Variants in VOPP1 observed in about 807,000 individuals in gnomAD.
The protein encoded by VOPP1 is WW domain binding protein VOPP1.
A neutral mutation model predicts 23.5 loss-of-function variants in VOPP1; 8 were observed. The observed-to-expected ratio is 0.34, with a 90% CI of 0.20 to 0.61. The LOEUF (loss-of-function observed/expected upper bound fraction) is 0.61, where lower values mean the gene tolerates loss of function less well. Among genes scored for constraint, VOPP1 ranks in the 20% least tolerant of loss-of-function variants. VOPP1 has a pLI of 0.78. For missense variants in VOPP1, 174 were observed against 238.1 expected, an observed-to-expected ratio of 0.73 and a Z score of 1.77; for synonymous variants, 83 against 97.3, an observed-to-expected ratio of 0.85 and a Z score of 0.86.
chr7:55,476,996 C>A (rs894102796), intron 4 of VOPP1, among the ~76,000 whole-genome samples: 8 of 152,228 alleles, frequency 5.3e-5, no homozygotes, highest in Non-Finnish European at 1.0e-4. Flanking sequence ...CACTAGATAA[C>A]ATATCCCAGG....
rs549869746 is a variant in VOPP1, at chr7:55,556,644, C to G, written c.54+15627G>C. ...ACCTAAAAGCTGTTGGAACCCCCCC[C>G]CAAAACACTTCAAGCTTTGAGAGAA... On this transcript the variant is annotated intron_variant, in intron 1 of 4. Coordinates refer to ENST00000285279, the MANE Select transcript of VOPP1 (RefSeq NM_030796.5). 8.6e-5 allele frequency among the ~76,000 whole-genome samples: 13 copies of G among 151,376 alleles called. No individual in the cohort carries two copies. The East Asian group carries it at 1.2e-3, about 14-fold the overall frequency.
At chr7:55,443,408 G>C (rs1405364939) in intron 4 of VOPP1, among the ~76,000 whole-genome samples, 1 of 151,586 alleles carries the variant, frequency 6.6e-6, no homozygotes, top group South Asian at 2.1e-4. Context: ...CAAAAAATAA[G>C]CCAGGCGTGG....
chr7:55,460,439 C>T (rs1417250313), intron 4 of VOPP1, among the ~76,000 whole-genome samples: 1 of 151,904 alleles, frequency 6.6e-6, no homozygotes, highest in African/African-American at 2.4e-5. Context: ...AGTTAAAATC[C>T]AATGTTTCTA....
downstream of VOPP1, among the ~76,000 whole-genome samples, chr7:55,468,271 G>GAAAA (rs747918983): frequency 3.7e-5 from 2 of 54,212 alleles, no homozygotes; most frequent in Non-Finnish European, 8.0e-5. Flanking sequence ...CTTCGTCTCA[G>GAAAA]AAAAAAAAAA....
At chr7:55,488,755 G>A (rs1033778843) in intron 4 of VOPP1, among the ~76,000 whole-genome samples, 10 of 151,804 alleles carry the variant, frequency 6.6e-5, no homozygotes, top group Admixed American at 4.6e-4. Context: ...GGCATCCCAC[G>A]CCTGAACCCA....
intron 4 of VOPP1, among the ~76,000 whole-genome samples, chr7:55,478,419 A>AGCT (rs1030545567): frequency 6.6e-6 from 1 of 152,204 alleles, no homozygotes; most frequent in African/African-American, 2.4e-5. Flanking sequence ...AGCCCAAGGG[A>AGCT]GCTGCAGCTT....
At chr7:55,549,444 C>T (rs1234628731) in intron 1 of VOPP1, among the ~76,000 whole-genome samples, 1 of 152,214 alleles carries the variant, frequency 6.6e-6, no homozygotes, top group Non-Finnish European at 1.5e-5. Context: ...TGGACAAAAG[C>T]TGAAGAACCA....
chr7:55,498,435 G>GGCCCTTGT (rs796666890), intron 2 of VOPP1, among the ~76,000 whole-genome samples: 2 of 152,162 alleles, frequency 1.3e-5, no homozygotes, highest in African/African-American at 2.4e-5. Context: ...CCTGAGCATG[G>GGCCCTTGT]GCAGGTGAGG....
chr7:55,530,288 A>C (rs2129046246), intron 1 of VOPP1, among the ~76,000 whole-genome samples: 1 of 152,286 alleles, frequency 6.6e-6, no homozygotes, highest in Middle Eastern at 3.4e-3. Flanking sequence ...GCCATCTAGT[A>C]CTGTACTGGT....
intron 4 of VOPP1, among the ~76,000 whole-genome samples, chr7:55,440,388 C>T (rs1194933419): frequency 6.6e-6 from 1 of 152,222 alleles, no homozygotes; most frequent in Non-Finnish European, 1.5e-5. Flanking sequence ...CTGACCTTCA[C>T]TCTGGGCAAG....
intron 4 of VOPP1, among the ~76,000 whole-genome samples, chr7:55,474,810 C>T (rs1397267988): frequency 6.6e-6 from 1 of 152,158 alleles, no homozygotes; most frequent in Non-Finnish European, 1.5e-5. Context: ...GCACTGAGGC[C>T]AGGAGAGGAG....
At chr7:55,498,603 G>A (rs1794147898) in intron 2 of VOPP1, among the ~76,000 whole-genome samples, 2 of 152,152 alleles carry the variant, frequency 1.3e-5, no homozygotes, top group East Asian at 1.9e-4. Flanking sequence ...GGATTGGCAG[G>A]GATGTGGGGA....
intron 2 of VOPP1, chr7:55,516,139 G>T: frequency 2.4e-6 from 1 of 424,336 alleles, no homozygotes; most frequent in Non-Finnish European, 3.2e-6. Flanking sequence ...CACCTAGTAA[G>T]CCCTGAACCA....
At chr7:55,438,989 G>T (rs963629925) in intron 4 of VOPP1, among the ~76,000 whole-genome samples, 1 of 152,192 alleles carries the variant, frequency 6.6e-6, no homozygotes, top group Non-Finnish European at 1.5e-5. Flanking sequence ...GCCACAGGCT[G>T]AGGCATGCAG....
chr7:55,520,930 C>T, intron 2 of VOPP1, 142 bp downstream of exon 2: 2 of 805,436 alleles, frequency 2.5e-6, no homozygotes, highest in East Asian at 2.7e-5. Context: ...CCTGCTCATC[C>T]CCCAGTGAGG....
chr7:55,550,434 T>G (rs143740203), intron 1 of VOPP1, among the ~76,000 whole-genome samples: 1,660 of 152,322 alleles, frequency 0.011, 11 homozygotes, highest in Middle Eastern at 0.02. Context: ...CTGGAGGGAA[T>G]ATAAATTTGG....
intron 1 of VOPP1, chr7:55,571,938 G>C (rs1162771777): frequency 2.5e-5 from 6 of 239,082 alleles, no homozygotes; most frequent in South Asian, 1.0e-4. Flanking sequence ...TCCGATCCTC[G>C]GCCCTCTGCG....
intron 4 of VOPP1, among the ~76,000 whole-genome samples, chr7:55,454,760 T>C (rs1274021034): frequency 2.0e-5 from 3 of 152,144 alleles, no homozygotes; most frequent in African/African-American, 7.2e-5. Context: ...CCCTTCATGA[T>C]AAAAACTCTC....
At chr7:55,552,844 G>A (rs1251496271) in intron 1 of VOPP1, 12 of 1,425,768 alleles carry the variant, frequency 8.4e-6, no homozygotes, top group Non-Finnish European at 1.1e-5. Flanking sequence ...AAAGGTGACG[G>A]AGCACTATGG....
Sources: allele counts gnomAD v4.1 joint callset (sites outside exome capture counted in the v4.1 genomes callset), GRCh38; gene constraint gnomAD v4.1.1; transcripts MANE v1.5; gene names NCBI Gene and HGNC (gene_info 2026-07-23, HGNC 2026-07-21).